The following LHFPL1 variants were observed in gnomAD, a reference collection of about 807,000 sequenced individuals.
The protein encoded by LHFPL1 is LHFPL tetraspan subfamily member 1 protein.
LHFPL1 carries 4 observed loss-of-function variants against 12.1 expected under a neutral mutation model. That is an observed-to-expected ratio of 0.33 (90% confidence interval 0.16 to 0.76). The LOEUF (loss-of-function observed/expected upper bound fraction) is 0.76. Among genes scored for constraint, LHFPL1 ranks in the 30% least tolerant of loss-of-function variants. The probability of loss-of-function intolerance (pLI) is 0.61; values close to 1 mark genes in which losing one functional copy is unlikely to be tolerated. For synonymous variants in LHFPL1, 52 were observed against 61.9 expected (o/e 0.84, Z 0.75); for missense variants, 141 against 174.1 (o/e 0.81, Z 1.07).
intron 3 of LHFPL1, among the ~76,000 whole-genome samples, chrX:112,649,647 T>C (rs1347267921): frequency 2.7e-5 from 3 of 112,173 alleles, no homozygotes; most frequent in Non-Finnish European, 5.6e-5. Flanking sequence ...AAATCTTCAT[T>C]ATTTTATTTT....
intron 3 of LHFPL1, among the ~76,000 whole-genome samples, chrX:112,645,166 C>T: frequency 8.9e-6 from 1 of 112,248 alleles, no homozygotes; most frequent in Non-Finnish European, 1.9e-5. Context: ...TATAATGCAG[C>T]CTATTGTGCT....
chrX:112,671,554 C>T (rs1315659384), intron 1 of LHFPL1, 150 bp from the exon 2 acceptor site: 6 of 1,120,586 alleles, frequency 5.4e-6, no homozygotes, highest in African/African-American at 1.8e-5. Flanking sequence ...ATTATTCTCT[C>T]GAGGACCATT....
chrX:112,675,907 T>G (rs1279318241), intron 1 of LHFPL1, among the ~76,000 whole-genome samples: 1 of 112,444 alleles, frequency 8.9e-6, no homozygotes, highest in East Asian at 2.8e-4. Context: ...GCTTATACAC[T>G]TTAAATGCAA....
intron 3 of LHFPL1, among the ~76,000 whole-genome samples, 188 bp from the exon 4 acceptor site, chrX:112,631,789 G>A (rs1251640885): frequency 8.9e-6 from 1 of 111,873 alleles, no homozygotes; most frequent in African/African-American, 3.3e-5. Context: ...CTTCTGTGCT[G>A]ACTGCTGATC....
intron 3 of LHFPL1, among the ~76,000 whole-genome samples, chrX:112,658,046 A>C (rs1931063341): frequency 8.9e-6 from 1 of 111,827 alleles, no homozygotes; most frequent in African/African-American, 3.3e-5. Context: ...CATATATCCA[A>C]AAAGGGTCTT....
Position 112,631,473 on chromosome X carries a change from T to C in LHFPL1, c.610A>G (p.Met204Val), listed in dbSNP as rs745872592. Residue 204 changes from methionine to valine, a missense_variant, in exon 4 of 4, where the codon ATG becomes GTG. Coordinates refer to ENST00000371968, the MANE Select transcript of LHFPL1 (RefSeq NM_178175.4). The stretch of plus-strand genomic sequence containing the variant: ...ATAGCATAAGAATTGGTATTCCTCA[T>C]GATGCTCTCCACCAATATGACAGGC... ...PKPVILVESI[M>V]RNTNSYAMEL... The C allele has an allele frequency of 1.1e-5, 13 of 1,210,605 alleles. No homozygotes were observed. Among genetic ancestry groups the C allele is most frequent in the Middle Eastern group, 4.6e-4 (2 of 4,349 alleles).
chrX:112,676,561 T>G (rs1390863576), intron 1 of LHFPL1, among the ~76,000 whole-genome samples: 1 of 112,300 alleles, frequency 8.9e-6, no homozygotes, highest in East Asian at 2.8e-4. Flanking sequence ...GATAAAAATA[T>G]GAGTTCTGTT....
chrX:112,633,428 A>G (rs1315161584), intron 3 of LHFPL1, among the ~76,000 whole-genome samples: 3 of 112,478 alleles, frequency 2.7e-5, no homozygotes, highest in Non-Finnish European at 5.6e-5. Flanking sequence ...CATTCACTGC[A>G]TGTGCACGTG....
At chrX:112,668,906 C>A (rs887782703) in intron 2 of LHFPL1, among the ~76,000 whole-genome samples, 5 of 112,227 alleles carry the variant, frequency 4.5e-5, no homozygotes, top group African/African-American at 1.6e-4. Context: ...TGTTGCTAGG[C>A]TTTCTGATTC....
chrX:112,672,024 G>A (rs1316437696), intron 1 of LHFPL1, among the ~76,000 whole-genome samples: 1 of 111,569 alleles, frequency 9.0e-6, no homozygotes, highest in African/African-American at 3.3e-5. Context: ...TTTCAACTGG[G>A]ATGCATCAGC....
At chrX:112,654,429 A>G (rs1930937941) in intron 3 of LHFPL1, among the ~76,000 whole-genome samples, 1 of 111,245 alleles carries the variant, frequency 9.0e-6, no homozygotes, top group Non-Finnish European at 1.9e-5. Flanking sequence ...ATCTATAAAC[A>G]TTGATAGGTT....
chrX:112,648,931 TA>T (rs1182711336), intron 3 of LHFPL1, among the ~76,000 whole-genome samples: 6 of 111,965 alleles, frequency 5.4e-5, no homozygotes, highest in Admixed American at 9.5e-5. Flanking sequence ...TAGGAAGTAG[TA>T]AATATTGTTC....
At chrX:112,644,624 T>TATC (rs932919916) in intron 3 of LHFPL1, among the ~76,000 whole-genome samples, 8 of 110,974 alleles carry the variant, frequency 7.2e-5, no homozygotes, top group African/African-American at 2.6e-4. Context: ...TCTGAGTACT[T>TATC]ATCGATCTAG....
intron 3 of LHFPL1, among the ~76,000 whole-genome samples, chrX:112,646,521 A>G (rs1197409884): frequency 9.0e-6 from 1 of 110,566 alleles, no homozygotes; most frequent in Admixed American, 9.7e-5. Flanking sequence ...ATCTTAGAAC[A>G]TGTGGAACAC....
chrX:112,645,685 A>T (rs775967668), intron 3 of LHFPL1, among the ~76,000 whole-genome samples: 2 of 111,989 alleles, frequency 1.8e-5, no homozygotes, highest in Non-Finnish European at 3.8e-5. Flanking sequence ...GAATAGCATC[A>T]ATTTAGAATT....
rs149052994 is a variant in LHFPL1 at position 112,660,620 on chromosome X, A to G, written c.481+7T>C. The G allele has an allele frequency of 8.8e-4, 1,059 of 1,197,695 alleles. 6 individuals carry two copies. The African/African-American group carries it at 0.016, about 19-fold the overall frequency. ...ACCATCACTGCCATCTGCCCAGGCC[A>G]CCTTACCTAACTGAAATTGATTGGA... is the stretch of plus-strand genomic sequence containing the variant. On this transcript the variant is annotated splice_region_variant and intron_variant, in intron 3 of 3. Coordinates refer to ENST00000371968, the MANE Select transcript of LHFPL1 (RefSeq NM_178175.4).
intron 1 of LHFPL1, among the ~76,000 whole-genome samples, chrX:112,673,422 A>G (rs894833107): frequency 9.0e-6 from 1 of 111,591 alleles, no homozygotes; most frequent in African/African-American, 3.3e-5. Context: ...GACAGCAGGT[A>G]TGGTTGGCCG....
At chrX:112,673,528 G>T (rs1931570592) in intron 1 of LHFPL1, among the ~76,000 whole-genome samples, 1 of 111,847 alleles carries the variant, frequency 8.9e-6, no homozygotes, top group Admixed American at 9.5e-5. Context: ...TGATGAAGCA[G>T]CCCAGGCCAG....
chrX:112,659,805 GT>G (rs1931122589), intron 3 of LHFPL1, among the ~76,000 whole-genome samples: 1 of 111,947 alleles, frequency 8.9e-6, no homozygotes. Flanking sequence ...ATCCACACTA[GT>G]TACACCTTCC....
Sources: allele counts gnomAD v4.1 joint callset (sites outside exome capture counted in the v4.1 genomes callset), GRCh38; gene constraint gnomAD v4.1.1; transcripts MANE v1.5; gene names NCBI Gene and HGNC (gene_info 2026-07-23, HGNC 2026-07-21).